NUMB: variants seen among roughly 807,000 people sequenced by gnomAD.
The protein encoded by NUMB is NUMB endocytic adaptor protein, also known as protein numb homolog.
NUMB carries 29 observed loss-of-function variants against 59.7 expected under a neutral mutation model. That is an observed-to-expected ratio of 0.49 (90% CI 0.36 to 0.66). NUMB has a LOEUF of 0.66. Ranked by LOEUF, NUMB falls within the 30% of genes least tolerant of loss-of-function variation. The probability of loss-of-function intolerance (pLI) is 0.00; values close to 1 mark genes in which losing one functional copy is unlikely to be tolerated. For missense variants in NUMB, 723 were observed against 822.0 expected (o/e 0.88, Z 1.47); for synonymous variants, 288 against 288.2 (o/e 1.00, Z 0.01).
rs80321495 is a variant in NUMB, at chr14:73,407,803, T to C, written c.-101+2134A>G. On this transcript the variant is annotated intron_variant, in intron 2 of 12. Coordinates refer to ENST00000555238, the MANE Select transcript of NUMB (RefSeq NM_001005743.2). Reference sequence around the variant, plus strand: ...CACATGTGATGTTTACAGAATTCTCTAAAAATATTTTCCATCACATCCAGA... The same window carrying C: ...CACATGTGATGTTTACAGAATTCTCCAAAAATATTTTCCATCACATCCAGA... 1.3e-4 allele frequency among the ~76,000 whole-genome samples: 20 copies of C among 152,350 alleles called. No individual in the cohort carries two copies. In the East Asian group the frequency reaches 3.9e-3, roughly 29 times the overall value.
chr14:73,442,922 G>A (rs985073086), intron 1 of NUMB, among the ~76,000 whole-genome samples: 1 of 152,048 alleles, frequency 6.6e-6, no homozygotes, highest in Non-Finnish European at 1.5e-5. Flanking sequence ...GAGTGTAGTG[G>A]TGCAATCTCA....
intron 12 of NUMB, among the ~76,000 whole-genome samples, chr14:73,278,049 A>AC (rs1377891084): frequency 1.2e-4 from 17 of 147,574 alleles, no homozygotes; most frequent in Non-Finnish European, 2.1e-4. Flanking sequence ...CCGTCTCAAA[A>AC]AAAAAAAAAA....
At chr14:73,318,985 G>T (rs1974529) in intron 5 of NUMB, among the ~76,000 whole-genome samples, 13 of 152,070 alleles carry the variant, frequency 8.5e-5, no homozygotes, top group Admixed American at 2.6e-4. Context: ...TTTAAAAAGC[G>T]CTAGAAGGCT....
At chr14:73,335,867 T>C (rs1892282287) in intron 4 of NUMB, among the ~76,000 whole-genome samples, 1 of 152,168 alleles carries the variant, frequency 6.6e-6, no homozygotes, top group Non-Finnish European at 1.5e-5. Context: ...ATAGCAAACA[T>C]AGTATGCAGA....
At chr14:73,389,015 C>A (rs1895691815) in intron 2 of NUMB, among the ~76,000 whole-genome samples, 1 of 149,532 alleles carries the variant, frequency 6.7e-6, no homozygotes, top group South Asian at 2.1e-4. Flanking sequence ...AGAAGAATGG[C>A]GTGAGCCCGG....
rs557987487 is a variant in NUMB, at chr14:73,445,860, C to T, written c.-233+12633G>A. On this transcript the variant is annotated intron_variant, in intron 1 of 12. Transcript: ENST00000555238. ...TATTAGTTCACGTCATAAACTCAGC[C>T]CCCAATGTGGGGGAGGGGTTCCATC... Among the ~76,000 whole-genome samples the T allele has an allele frequency of 5.7e-4, 86 of 151,992 alleles. 1 individual carries two copies. The highest frequency in any genetic ancestry group is 5.4e-3 in the Admixed American group (83 of 15,242).
chr14:73,363,905 T>C (rs1253371396), intron 3 of NUMB, among the ~76,000 whole-genome samples: 1 of 152,170 alleles, frequency 6.6e-6, no homozygotes, highest in Non-Finnish European at 1.5e-5. Context: ...GCTAAGATCA[T>C]ACCATTGCAC....
chr14:73,317,854 A>G (rs1891171006), intron 5 of NUMB, among the ~76,000 whole-genome samples: 1 of 152,320 alleles, frequency 6.6e-6, no homozygotes, highest in Non-Finnish European at 1.5e-5. Context: ...TTTACTTTTT[A>G]TAATCATAGG....
chr14:73,421,908 G>A (rs780632036), intron 1 of NUMB, among the ~76,000 whole-genome samples: 23 of 152,174 alleles, frequency 1.5e-4, no homozygotes, highest in Non-Finnish European at 3.1e-4. Flanking sequence ...GGAGGCCGAG[G>A]TGGGTGGATC....
intron 2 of NUMB, among the ~76,000 whole-genome samples, chr14:73,407,709 C>G (rs929844316): frequency 6.6e-6 from 1 of 152,194 alleles, no homozygotes; most frequent in African/African-American, 2.4e-5. Flanking sequence ...ATCTAGATAG[C>G]AAGAAAATCT....
chr14:73,442,336 G>A (rs1046565239), intron 1 of NUMB, among the ~76,000 whole-genome samples: 2 of 151,968 alleles, frequency 1.3e-5, no homozygotes, highest in African/African-American at 2.4e-5. Flanking sequence ...TTGCACCACT[G>A]CACTCTGGAC....
chr14:73,280,335 T>C (rs1888533041), intron 11 of NUMB, among the ~76,000 whole-genome samples: 1 of 152,306 alleles, frequency 6.6e-6, no homozygotes. Flanking sequence ...AGTTGGTATG[T>C]TTTCATTTGC....
At chr14:73,441,606 G>A (rs1460731057) in intron 1 of NUMB, among the ~76,000 whole-genome samples, 1 of 152,082 alleles carries the variant, frequency 6.6e-6, no homozygotes, top group Non-Finnish European at 1.5e-5. Flanking sequence ...AGCCTGAGCT[G>A]TGACTCACAC....
intron 9 of NUMB, chr14:73,284,609 C>T (rs1288476963): frequency 2.7e-6 from 1 of 364,570 alleles, no homozygotes; most frequent in Admixed American, 4.3e-5. Flanking sequence ...ATCTTTTATT[C>T]TCATTCAGTG....
chr14:73,329,735 C>T (rs1891856940), intron 4 of NUMB, among the ~76,000 whole-genome samples: 1 of 152,196 alleles, frequency 6.6e-6, no homozygotes, highest in African/African-American at 2.4e-5. Flanking sequence ...CTCTTGAACT[C>T]CAGTACCAAG....
Position 73,276,463 on chromosome 14 carries a change from C to T in NUMB, c.*115G>A, listed in dbSNP as rs1888159468. 2.6e-6 allele frequency: 2 copies of T among 764,452 alleles called. No individual in the cohort carries two copies. Among genetic ancestry groups the T allele is most frequent in the East Asian group, 2.7e-5 (1 of 37,454 alleles). 47.4% of individuals were successfully genotyped at this position (764,452 alleles called of 1,614,324 possible). On this transcript the variant is annotated 3_prime_UTR_variant, in exon 13 of 13. Coordinates refer to ENST00000555238, the MANE Select transcript of NUMB (RefSeq NM_001005743.2). Reference sequence around the variant, plus strand: ...CTGGGCCTGGACTTGTTCCTTGGGACCTTTGGGATTAGTGAAAAGAGTACT... The same window carrying T: ...CTGGGCCTGGACTTGTTCCTTGGGATCTTTGGGATTAGTGAAAAGAGTACT...
chr14:73,375,306 T>G (rs1894898735), intron 2 of NUMB, among the ~76,000 whole-genome samples: 1 of 152,202 alleles, frequency 6.6e-6, no homozygotes, highest in African/African-American at 2.4e-5. Flanking sequence ...ATTAAGAGAC[T>G]TATGTTTATT....
At chr14:73,313,147 C>T (rs574602607) in intron 6 of NUMB, among the ~76,000 whole-genome samples, 85 of 151,986 alleles carry the variant, frequency 5.6e-4, no homozygotes, top group Non-Finnish European at 7.4e-4. Context: ...CCACCATGCC[C>T]AGCTAATTTT....
intron 2 of NUMB, among the ~76,000 whole-genome samples, chr14:73,379,016 C>G (rs1004131064): frequency 2.0e-5 from 3 of 152,138 alleles, no homozygotes; most frequent in African/African-American, 4.8e-5. Flanking sequence ...GAACCTAAAA[C>G]TCCTCTTAAA....
Sources: gnomAD v4.1 joint callset for allele counts (sites outside exome capture counted in the v4.1 genomes callset) on GRCh38, gnomAD v4.1.1 for gene constraint, MANE v1.5 for transcripts, NCBI Gene and HGNC (gene_info 2026-07-23, HGNC 2026-07-21) for gene names.